Variants in RASGRF2 observed in about 807,000 individuals in gnomAD.
RASGRF2 encodes the protein ras-specific guanine nucleotide-releasing factor 2.
In RASGRF2, 76 loss-of-function variants were observed where a neutral mutation model predicts 151.0. The ratio of observed to expected loss-of-function variants is 0.50; its 90% confidence interval spans 0.42 to 0.61. RASGRF2 has a LOEUF of 0.61. Ranked by LOEUF, RASGRF2 falls within the 20% of genes least tolerant of loss-of-function variation. The pLI is 0.00. For synonymous variants in RASGRF2, 504 were observed against 566.5 expected, an observed-to-expected ratio of 0.89 and a Z score of 1.57; for missense variants, 1,148 against 1,564.6, an observed-to-expected ratio of 0.73 and a Z score of 4.49.
intron 1 of RASGRF2, among the ~76,000 whole-genome samples, chr5:81,013,461 C>G (rs1410946254): frequency 1.3e-5 from 2 of 152,164 alleles, no homozygotes; most frequent in East Asian, 3.9e-4. Context: ...GCCACACCAC[C>G]TGGGCTGTGG....
intron 1 of RASGRF2, among the ~76,000 whole-genome samples, chr5:80,992,232 C>G (rs1748677931): frequency 3.7e-5 from 1 of 27,370 alleles, no homozygotes; most frequent in Non-Finnish European, 1.2e-4. Context: ...TCTAAGAGAC[C>G]AAGACTCTCA....
Position 81,123,715 on chromosome 5 carries a change from A to C in RASGRF2, c.2544A>C (p.Ser848=). The C allele has an allele frequency of 6.2e-7, 1 of 1,613,924 alleles. No homozygotes were observed. The highest frequency in any genetic ancestry group is 8.5e-7 in the Non-Finnish European group (1 of 1,179,928). Residue 848 remains serine (S), a synonymous_variant, in exon 16 of 27, where the codon TCA becomes TCC. Coordinates refer to ENST00000265080, the MANE Select transcript of RASGRF2 (RefSeq NM_006909.3). ...SSPAADTTEL[S]PCRSPSTPRH... ...CTGCAGCGGACACCACAGAACTTTC[A>C]CCTTGCAGATCCCCCTCAACTCCTC...
intron 1 of RASGRF2, among the ~76,000 whole-genome samples, chr5:81,010,548 AAGTTCT>A (rs1447313370): frequency 6.6e-6 from 1 of 152,180 alleles, no homozygotes; most frequent in African/African-American, 2.4e-5. Context: ...CAAAAATGTA[AAGTTCT>A]AGGTAGTGCA....
chr5:81,123,071 TA>T (rs1248778015), intron 15 of RASGRF2, among the ~76,000 whole-genome samples: 2 of 152,204 alleles, frequency 1.3e-5, no homozygotes, highest in African/African-American at 4.8e-5. Flanking sequence ...GCACTCAATG[TA>T]GTGCAAGTGG....
At chr5:81,206,197 TC>T (rs1305530878) in intron 19 of RASGRF2, among the ~76,000 whole-genome samples, 1 of 152,086 alleles carries the variant, frequency 6.6e-6, no homozygotes, top group African/African-American at 2.4e-5. Flanking sequence ...ATTCACTCAT[TC>T]ATTCATTCAT....
intron 4 of RASGRF2, among the ~76,000 whole-genome samples, chr5:81,070,903 C>CA (rs1751754764): frequency 6.6e-6 from 1 of 152,070 alleles, no homozygotes; most frequent in African/African-American, 2.4e-5. Flanking sequence ...AATTACATTT[C>CA]AAAAATATTT....
At chr5:80,987,667 G>A (rs898125453) in intron 1 of RASGRF2, among the ~76,000 whole-genome samples, 1 of 152,050 alleles carries the variant, frequency 6.6e-6, no homozygotes, top group Non-Finnish European at 1.5e-5. Flanking sequence ...GGGGAAAGAG[G>A]GGATAAAGTC....
intron 17 of RASGRF2, among the ~76,000 whole-genome samples, chr5:81,138,034 C>G (rs977280962): frequency 2.8e-5 from 4 of 145,104 alleles, no homozygotes; most frequent in African/African-American, 1.0e-4. Context: ...CTTCAAATTC[C>G]TTCAATGCCC....
chr5:81,156,349 C>A (rs1037764044), intron 17 of RASGRF2, among the ~76,000 whole-genome samples: 3 of 152,028 alleles, frequency 2.0e-5, no homozygotes, highest in African/African-American at 7.2e-5. Flanking sequence ...TTTTTTGATT[C>A]ATTTTATGAG....
chr5:80,986,479 TGTA>T (rs1471069881), intron 1 of RASGRF2, among the ~76,000 whole-genome samples: 2 of 152,230 alleles, frequency 1.3e-5, no homozygotes, highest in East Asian at 3.8e-4. Context: ...AGTACAGGTA[TGTA>T]GTTAGTTTCA....
intron 18 of RASGRF2, among the ~76,000 whole-genome samples, chr5:81,192,546 A>AGGCAGGCCAGCGGTGGT (rs1161636919): frequency 6.6e-6 from 1 of 152,250 alleles, no homozygotes; most frequent in East Asian, 1.9e-4. Flanking sequence ...GCGCCGACGC[A>AGGCAGGCCAGCGGTGGT]GGCAGGCCAG....
At chr5:81,149,095 G>C (rs1353095465) in intron 17 of RASGRF2, among the ~76,000 whole-genome samples, 2 of 152,120 alleles carry the variant, frequency 1.3e-5, no homozygotes, top group Non-Finnish European at 2.9e-5. Flanking sequence ...ATTCCTTAAA[G>C]AACTAAAAGT....
At chr5:80,996,792 GT>G (rs1250235193) in intron 1 of RASGRF2, among the ~76,000 whole-genome samples, 1 of 151,066 alleles carries the variant, frequency 6.6e-6, no homozygotes, top group Non-Finnish European at 1.5e-5. Context: ...TGGAGATGGG[GT>G]TTCACCATGT....
intron 1 of RASGRF2, among the ~76,000 whole-genome samples, chr5:80,994,319 TTG>T: frequency 1.3e-5 from 2 of 149,524 alleles, no homozygotes; most frequent in African/African-American, 2.5e-5. Context: ...TGAGCCGAGA[TTG>T]CACCACTGCA....
intron 1 of RASGRF2, among the ~76,000 whole-genome samples, chr5:81,037,978 TCATA>T (rs1750557115): frequency 6.6e-6 from 1 of 152,240 alleles, no homozygotes; most frequent in Non-Finnish European, 1.5e-5. Context: ...GGAAATGATA[TCATA>T]CTGTATATAG....
At chr5:81,216,394 C>T (rs1026880040) in intron 24 of RASGRF2, among the ~76,000 whole-genome samples, 43 of 147,650 alleles carry the variant, frequency 2.9e-4, no homozygotes, top group Admixed American at 7.5e-4. Flanking sequence ...CAAACACACA[C>T]ACACGCAGAG....
intron 19 of RASGRF2, among the ~76,000 whole-genome samples, chr5:81,201,920 G>T (rs1230788433): frequency 1.3e-5 from 2 of 152,222 alleles, no homozygotes; most frequent in African/African-American, 4.8e-5. Flanking sequence ...TCCTCGACCA[G>T]CTTTTCTACA....
rs747709038 is a variant in RASGRF2, at chr5:81,219,788, T to C, written c.3621+10T>C. On this transcript the variant is annotated intron_variant, in intron 26 of 26. Transcript: ENST00000265080. ...AGATCATCAGCCAAAGGTAATATTA[T>C]GTGGCTGTGAAGAAATTAATAAAGA... 1 of 1,584,252 alleles carries C rather than the reference T, an allele frequency of 6.3e-7. No individual in the cohort carries two copies. Among genetic ancestry groups the C allele is most frequent in the Non-Finnish European group, 8.7e-7 (1 of 1,155,708 alleles).
At chr5:81,165,030 A>G (rs907087258) in intron 17 of RASGRF2, among the ~76,000 whole-genome samples, 2 of 152,222 alleles carry the variant, frequency 1.3e-5, no homozygotes. Flanking sequence ...GCAGCCTGCC[A>G]GTGTGGAGGG....
Sources: allele counts gnomAD v4.1 joint callset (sites outside exome capture counted in the v4.1 genomes callset), GRCh38; gene constraint gnomAD v4.1.1; transcripts MANE v1.5; gene names NCBI Gene and HGNC (gene_info 2026-07-23, HGNC 2026-07-21).